RGS6: variants seen among roughly 807,000 people sequenced by gnomAD.
RGS6 encodes regulator of G-protein signaling 6.
RGS6 carries 30 observed loss-of-function variants against 78.5 expected under a neutral mutation model. The ratio of observed to expected loss-of-function variants is 0.38; its 90% CI spans 0.29 to 0.52. The LOEUF is 0.52. RGS6 is among the 20% of genes least tolerant of loss of function. The pLI, the probability that RGS6 is intolerant of heterozygous loss-of-function variation, is 0.85. For missense variants in RGS6, 495 were observed against 609.7 expected, an observed-to-expected ratio of 0.81 and a Z score of 1.98; for synonymous variants, 206 against 206.0, an observed-to-expected ratio of 1.00 and a Z score of 0.00.
intron 2 of RGS6, among the ~76,000 whole-genome samples, chr14:72,207,362 G>C (rs149414198): frequency 1.3e-5 from 2 of 152,242 alleles, no homozygotes; most frequent in Non-Finnish European, 2.9e-5. Flanking sequence ...GAGATTACTG[G>C]AAACTAGGCA....
rs143248996 is a variant in RGS6, at chr14:71,967,589, C to T, written c.84+2714C>T. 3.8e-3 allele frequency among the ~76,000 whole-genome samples: 577 copies of T among 152,316 alleles called. 1 individual carries two copies. The highest frequency in any genetic ancestry group is 0.013 in the African/African-American group (548 of 41,578). On this transcript the variant is annotated intron_variant, in intron 2 of 17. Transcript: ENST00000553525. ...ACCCAAACCTTTCCTTAGATACCCACGACTACAATTTACATTTAAAAAATT... is the reference window on the plus strand; with the variant it reads ...ACCCAAACCTTTCCTTAGATACCCATGACTACAATTTACATTTAAAAAATT...
the RGS6 span, among the ~76,000 whole-genome samples, chr14:71,907,759 G>A: frequency 1.3e-5 from 2 of 152,066 alleles, no homozygotes; most frequent in African/African-American, 4.8e-5. Flanking sequence ...TGGCAGCTTG[G>A]GACAAGTTGG....
rs148524870 is a variant in RGS6 at position 72,080,401 on chromosome 14, C to T, written c.84+115526C>T. On this transcript the variant is annotated intron_variant, in intron 2 of 17. Coordinates refer to ENST00000553525, the MANE Select transcript of RGS6 (RefSeq NM_001204424.2). Reference sequence around the variant, plus strand: ...TTTACTTTCTTGCTATTAAGTTGTTCGCATTCCTTATACATTTTGGGTATT... The same window carrying T: ...TTTACTTTCTTGCTATTAAGTTGTTTGCATTCCTTATACATTTTGGGTATT... Among the ~76,000 whole-genome samples the T allele has an allele frequency of 6.9e-4, 105 of 151,982 alleles. No homozygotes were observed. In the East Asian group the frequency reaches 0.015, roughly 22 times the overall value.
chr14:72,282,026 G>A (rs2061671219), intron 2 of RGS6, among the ~76,000 whole-genome samples: 1 of 152,218 alleles, frequency 6.6e-6, no homozygotes, highest in Admixed American at 6.5e-5. Flanking sequence ...TGGAGCAACT[G>A]TAGGCTTTTT....
intron 16 of RGS6, among the ~76,000 whole-genome samples, chr14:72,539,661 A>C (rs1342358143): frequency 6.6e-6 from 1 of 152,160 alleles, no homozygotes; most frequent in Non-Finnish European, 1.5e-5. Context: ...CACAACCACC[A>C]GGGCTCCTGC....
chr14:72,164,240 G>A (rs956808486), intron 2 of RGS6, among the ~76,000 whole-genome samples: 4 of 152,164 alleles, frequency 2.6e-5, no homozygotes, highest in African/African-American at 7.2e-5. Context: ...GGAGAGGGAA[G>A]GCATCTCTGC....
chr14:72,489,700 GAAGGAAAAGA>G (rs144048715), intron 12 of RGS6, among the ~76,000 whole-genome samples: 6,619 of 151,230 alleles, frequency 0.044, 452 homozygotes, highest in African/African-American at 0.15. Flanking sequence ...CCAGAAACTG[GAAGGAAAAGA>G]AAGGAAAGGA....
At chr14:72,026,624 G>A (rs1021499633) in intron 2 of RGS6, among the ~76,000 whole-genome samples, 1 of 152,164 alleles carries the variant, frequency 6.6e-6, no homozygotes, top group Non-Finnish European at 1.5e-5. Flanking sequence ...CCCACGTGCT[G>A]TCAACCCACG....
intron 2 of RGS6, among the ~76,000 whole-genome samples, chr14:72,142,403 T>C (rs1198383263): frequency 2.0e-5 from 3 of 152,182 alleles, no homozygotes; most frequent in Non-Finnish European, 2.9e-5. Flanking sequence ...TGAAAACTTT[T>C]CAGTGATTAA....
At chr14:72,052,925 T>TTATTTTTC (rs2093340317) in intron 2 of RGS6, among the ~76,000 whole-genome samples, 2 of 120,330 alleles carry the variant, frequency 1.7e-5, no homozygotes, top group Admixed American at 1.7e-4. Flanking sequence ...TTCATTGTAT[T>TTATTTTTC]TTTCTTTCTT....
intron 2 of RGS6, among the ~76,000 whole-genome samples, chr14:72,184,863 A>G (rs2097218552): frequency 6.6e-6 from 1 of 152,222 alleles, no homozygotes; most frequent in African/African-American, 2.4e-5. Context: ...GACAGGACTA[A>G]TAGGATAGAT....
At position 72,562,802 on chromosome 14, in the gene RGS6, A is replaced by T. The variant is rs915908207; in HGVS notation, c.*335A>T. 2.6e-5 allele frequency: 38 copies of T among 1,453,222 alleles called. No homozygotes were observed. Among genetic ancestry groups the T allele is most frequent in the Non-Finnish European group, 3.2e-5 (34 of 1,071,456 alleles). 90.0% of individuals were successfully genotyped at this position (1,453,222 alleles called of 1,614,324 possible). On this transcript the variant is annotated 3_prime_UTR_variant, in exon 18 of 18. Transcript: ENST00000553525. ...TCGTGGGGTTCCTGTCACGACTATC[A>T]CTTGAGATTATATTATTATCCTCAC...
At chr14:72,272,428 G>A (rs992723279) in intron 2 of RGS6, among the ~76,000 whole-genome samples, 1 of 152,170 alleles carries the variant, frequency 6.6e-6, no homozygotes, top group Admixed American at 6.5e-5. Context: ...ACTGCTCTGG[G>A]CCTCTGTAAA....
At chr14:72,567,677 T>C (rs575446605), downstream of RGS6, among the ~76,000 whole-genome samples, 32 of 152,322 alleles carry the variant, frequency 2.1e-4, no homozygotes, top group African/African-American at 7.7e-4. Context: ...TCCCAGCCTC[T>C]GAGGAACCAC....
the RGS6 span, among the ~76,000 whole-genome samples, chr14:71,907,229 A>C: frequency 0.83 from 126,409 of 152,176 alleles, 52,703 homozygotes; most frequent in African/African-American, 0.85. Context: ...TGCAGCAGAG[A>C]TAAGTGCTGC....
At chr14:72,190,552 A>G (rs2097310159) in intron 2 of RGS6, among the ~76,000 whole-genome samples, 1 of 152,146 alleles carries the variant, frequency 6.6e-6, no homozygotes, top group African/African-American at 2.4e-5. Flanking sequence ...TCACTGGGGT[A>G]ATGCCCCAGA....
At chr14:71,954,753 T>A (rs1168206935) in intron 1 of RGS6, among the ~76,000 whole-genome samples, 1 of 152,222 alleles carries the variant, frequency 6.6e-6, no homozygotes, top group East Asian at 1.9e-4. Context: ...ATTTTTAGCA[T>A]TTCCTTTTCA....
intron 2 of RGS6, among the ~76,000 whole-genome samples, chr14:72,254,902 G>T (rs1185942709): frequency 5.9e-5 from 9 of 152,186 alleles, no homozygotes; most frequent in Non-Finnish European, 1.2e-4. Context: ...TCTCAGAGTT[G>T]TTCTTTATCA....
chr14:72,157,939 C>T (rs1169503967), intron 2 of RGS6, among the ~76,000 whole-genome samples: 1 of 151,954 alleles, frequency 6.6e-6, no homozygotes, highest in Non-Finnish European at 1.5e-5. Flanking sequence ...GTTTGCTGCA[C>T]CCATCAACCT....
Sources: gnomAD v4.1 joint callset for allele counts (sites outside exome capture counted in the v4.1 genomes callset) on GRCh38, gnomAD v4.1.1 for gene constraint, MANE v1.5 for transcripts, NCBI Gene and HGNC (gene_info 2026-07-23, HGNC 2026-07-21) for gene names.